POFUT3: variants seen among roughly 807,000 people sequenced by gnomAD.
POFUT3 encodes GDP-fucose protein O-fucosyltransferase 3.
At chr8:33,470,223 G>A in the POFUT3 span, among the ~76,000 whole-genome samples, 46 of 114,394 alleles carry the variant, frequency 4.0e-4, no homozygotes, top group Middle Eastern at 0.023. Context: ...AACACAGCAA[G>A]AACCCATCTC....
the POFUT3 span, among the ~76,000 whole-genome samples, chr8:33,381,675 T>G: frequency 7.9e-5 from 12 of 152,260 alleles, no homozygotes; most frequent in South Asian, 8.3e-4. Context: ...TTGTTACGAG[T>G]TCATCATCTT....
the POFUT3 span, among the ~76,000 whole-genome samples, chr8:33,404,406 T>C: frequency 6.6e-6 from 1 of 151,522 alleles, no homozygotes; most frequent in Non-Finnish European, 1.5e-5. Context: ...TATACAAAGT[T>C]TGGGAGTGTG....
the POFUT3 span, among the ~76,000 whole-genome samples, chr8:33,385,096 G>A: frequency 6.6e-6 from 1 of 152,164 alleles, no homozygotes; most frequent in Non-Finnish European, 1.5e-5. Context: ...ACATGGGACT[G>A]TGCTCCAAAT....
chr8:33,455,182 C>A, the POFUT3 span, among the ~76,000 whole-genome samples: 4 of 151,956 alleles, frequency 2.6e-5, no homozygotes, highest in Non-Finnish European at 4.4e-5. Flanking sequence ...TCTATGTTAC[C>A]AACATAGTAG....
chr8:33,316,448 C>T, the POFUT3 span, among the ~76,000 whole-genome samples: 7 of 151,832 alleles, frequency 4.6e-5, no homozygotes, highest in Admixed American at 2.0e-4. Context: ...TAGCCAGGCA[C>T]GGTGGCTCAT....
chr8:33,448,305 A>T, the POFUT3 span, among the ~76,000 whole-genome samples: 1 of 151,996 alleles, frequency 6.6e-6, no homozygotes, highest in African/African-American at 2.4e-5. Context: ...AACTCCAGTG[A>T]CTCCTCAACA....
the POFUT3 span, among the ~76,000 whole-genome samples, chr8:33,374,645 A>C: frequency 2.0e-5 from 3 of 152,196 alleles, no homozygotes; most frequent in South Asian, 6.2e-4. Context: ...AATGTACCAC[A>C]GTTACATAAA....
At chr8:33,378,470 G>A in the POFUT3 span, among the ~76,000 whole-genome samples, 1 of 152,084 alleles carries the variant, frequency 6.6e-6, no homozygotes, top group Non-Finnish European at 1.5e-5. Flanking sequence ...ACAGATACAA[G>A]GCAGAGCTTG....
At chr8:33,376,189 A>G in the POFUT3 span, among the ~76,000 whole-genome samples, 1 of 151,912 alleles carries the variant, frequency 6.6e-6, no homozygotes, top group Admixed American at 6.6e-5. Context: ...TGATTCTTCA[A>G]CCTATATGCA....
chr8:33,318,879 C>A, the POFUT3 span, among the ~76,000 whole-genome samples: 4 of 24,364 alleles, frequency 1.6e-4, no homozygotes, highest in African/African-American at 1.0e-3. Flanking sequence ...TTTTTTATAT[C>A]TTTATATAAT....
chr8:33,327,811 C>G, the POFUT3 span, among the ~76,000 whole-genome samples: 1 of 152,196 alleles, frequency 6.6e-6, no homozygotes, highest in African/African-American at 2.4e-5. Flanking sequence ...TGTACCGTGA[C>G]TAATTCCTGT....
the POFUT3 span, among the ~76,000 whole-genome samples, chr8:33,443,753 A>C: frequency 3.9e-5 from 6 of 152,104 alleles, no homozygotes; most frequent in Non-Finnish European, 8.8e-5. Context: ...TCAGCCTCCC[A>C]AAATGTTGGG....
chr8:33,331,410 T>C, the POFUT3 span, among the ~76,000 whole-genome samples: 750 of 152,056 alleles, frequency 4.9e-3, 8 homozygotes, highest in African/African-American at 0.017. Context: ...GGATTCTTCA[T>C]AGAGAAAGAA....
chr8:33,370,409 C>G, the POFUT3 span, among the ~76,000 whole-genome samples: 18 of 152,154 alleles, frequency 1.2e-4, no homozygotes, highest in African/African-American at 4.3e-4. Flanking sequence ...AAGGGCTAAG[C>G]AAAATGTTGC....
At chr8:33,312,521 A>C in the POFUT3 span, among the ~76,000 whole-genome samples, 1 of 152,108 alleles carries the variant, frequency 6.6e-6, no homozygotes, top group Non-Finnish European at 1.5e-5. Context: ...AACTATGATG[A>C]GTTAGTTTTA....
chr8:33,351,875 G>T, the POFUT3 span, among the ~76,000 whole-genome samples: 1 of 152,174 alleles, frequency 6.6e-6, no homozygotes, highest in African/African-American at 2.4e-5. Flanking sequence ...CCAGTGGTTA[G>T]CCATGACAGA....
the POFUT3 span, among the ~76,000 whole-genome samples, chr8:33,337,229 A>C: frequency 6.6e-6 from 1 of 152,228 alleles, no homozygotes; most frequent in African/African-American, 2.4e-5. Context: ...AAAAATCTAT[A>C]GATCAATAAA....
chr8:33,429,654 G>GA, the POFUT3 span, among the ~76,000 whole-genome samples: 8 of 151,772 alleles, frequency 5.3e-5, no homozygotes, highest in Non-Finnish European at 1.0e-4. Flanking sequence ...GGAGGTACGA[G>GA]TGCATGCAAC....
the POFUT3 span, among the ~76,000 whole-genome samples, chr8:33,396,227 C>T: frequency 6.6e-6 from 1 of 152,184 alleles, no homozygotes; most frequent in Non-Finnish European, 1.5e-5. Flanking sequence ...TGTGCCTCTC[C>T]AGTCGAAGCG....
Sources: gnomAD v4.1 joint callset for allele counts (sites outside exome capture counted in the v4.1 genomes callset) on GRCh38, gnomAD v4.1.1 for gene constraint, MANE v1.5 for transcripts, NCBI Gene and HGNC (gene_info 2026-07-23, HGNC 2026-07-21) for gene names.